The following SFI1 variants were observed in gnomAD, a reference collection of about 807,000 sequenced individuals.
The protein encoded by SFI1 is SFI1 centrin binding protein.
Under a neutral mutation model 207.5 loss-of-function variants are expected in SFI1, and 195 were observed. That is an observed-to-expected ratio of 0.94 (90% CI 0.84 to 1.06). The LOEUF (loss-of-function observed/expected upper bound fraction) is 1.06. Ranked by LOEUF, SFI1 falls within the 50% of genes least tolerant of loss-of-function variation. The pLI is 0.00. For synonymous variants in SFI1, 630 were observed against 598.9 expected (o/e 1.05, Z -0.76); for missense variants, 1,634 against 1,588.0 (o/e 1.03, Z -0.49).
chr22:31,593,575 C>T (rs188097217), intron 15 of SFI1, among the ~76,000 whole-genome samples: 9,153 of 114,160 alleles, frequency 0.08, 414 homozygotes, highest in Admixed American at 0.14. Context: ...AGAGACACTC[C>T]TCACTTCCCA....
chr22:31,596,007 C>G (rs1427932076), intron 15 of SFI1, among the ~76,000 whole-genome samples: 1 of 152,122 alleles, frequency 6.6e-6, no homozygotes, highest in Non-Finnish European at 1.5e-5. Flanking sequence ...AATCCCAGCA[C>G]TTTGGGAGGC....
intron 7 of SFI1, 89 bp from the exon 8 acceptor site, chr22:31,561,201 T>C (rs1332401038): frequency 9.6e-7 from 1 of 1,045,674 alleles, no homozygotes; most frequent in Non-Finnish European, 1.4e-6. Context: ...GGACTAGAGC[T>C]GAGGGTCTGA....
chr22:31,606,561 C>T, intron 21 of SFI1, 131 bp downstream of exon 21: 1 of 641,948 alleles, frequency 1.6e-6, no homozygotes. Flanking sequence ...AACTTTCCTC[C>T]AGCACACACA....
At chr22:31,560,702 CT>C (rs760344163) in intron 7 of SFI1, among the ~76,000 whole-genome samples, 249 of 124,980 alleles carry the variant, frequency 2.0e-3, no homozygotes, top group African/African-American at 2.0e-3. Flanking sequence ...CACGCCTGGC[CT>C]TTTTTTTTTT....
At chr22:31,605,419 AGCTTCTGCCACTCTT>A (rs2068800458) in intron 20 of SFI1, 1 of 153,388 alleles carries the variant, frequency 6.5e-6, no homozygotes, top group Admixed American at 6.5e-5. Flanking sequence ...GTGCTTCTGC[AGCTTCTGCCACTCTT>A]TCTAAGCCCA....
At chr22:31,505,846 A>T (rs919454753) in intron 1 of SFI1, among the ~76,000 whole-genome samples, 2 of 151,380 alleles carry the variant, frequency 1.3e-5, no homozygotes, top group Non-Finnish European at 2.9e-5. Context: ...ATGGTGCCGC[A>T]GTACTTCAGC....
chr22:31,509,686 A>G (rs1255614788), intron 2 of SFI1, among the ~76,000 whole-genome samples: 2 of 152,168 alleles, frequency 1.3e-5, no homozygotes, highest in Non-Finnish European at 2.9e-5. Flanking sequence ...CTTCAATTCA[A>G]TCAAGTTGAC....
intron 1 of SFI1, among the ~76,000 whole-genome samples, chr22:31,503,809 G>C (rs1203175163): frequency 2.7e-5 from 4 of 150,094 alleles, no homozygotes; most frequent in African/African-American, 9.8e-5. Context: ...GGCTGGTGGC[G>C]ACCTCCTGAC....
At chr22:31,522,843 A>T (rs981675820) in intron 2 of SFI1, among the ~76,000 whole-genome samples, 3 of 152,020 alleles carry the variant, frequency 2.0e-5, no homozygotes, top group African/African-American at 7.3e-5. Flanking sequence ...TTTAGTAGAG[A>T]CGGGGTTTCA....
intron 1 of SFI1, among the ~76,000 whole-genome samples, chr22:31,502,815 T>G (rs1253595737): frequency 6.6e-6 from 1 of 152,010 alleles, no homozygotes; most frequent in Non-Finnish European, 1.5e-5. Context: ...TATACTTAAG[T>G]GTAACTGAGA....
At chr22:31,614,509 CCT>C (rs1389964014) in intron 27 of SFI1, 1 of 635,516 alleles carries the variant, frequency 1.6e-6, no homozygotes, top group African/African-American at 1.8e-5. Context: ...AGGCTGCTCC[CCT>C]GTGACATGGA....
intron 4 of SFI1, among the ~76,000 whole-genome samples, chr22:31,545,569 A>ATTTT (rs1555983870): frequency 2.5e-3 from 229 of 92,624 alleles, no homozygotes; most frequent in East Asian, 0.017. Context: ...AATTTAATTT[A>ATTTT]ATTTAATTTA....
At chr22:31,563,774 G>A (rs1440700959) in intron 8 of SFI1, among the ~76,000 whole-genome samples, 2 of 151,678 alleles carry the variant, frequency 1.3e-5, no homozygotes, top group South Asian at 2.1e-4. Context: ...TGATAGAGAC[G>A]GGGTTTTGCC....
intron 4 of SFI1, among the ~76,000 whole-genome samples, chr22:31,541,441 C>T (rs1347875394): frequency 6.6e-6 from 1 of 152,038 alleles, no homozygotes; most frequent in Non-Finnish European, 1.5e-5. Context: ...CATGTGCAAA[C>T]GGTTCCTTTT....
chr22:31,611,058 A>G, intron 22 of SFI1, 85 bp from the exon 23 acceptor site: 7 of 1,570,656 alleles, frequency 4.5e-6, no homozygotes, highest in South Asian at 4.5e-5. Flanking sequence ...CTGCACAGCC[A>G]TCTCTGCTGT....
rs1158500764 is a variant in SFI1 at position 31,561,335 on chromosome 22, G to C, written c.708G>C (p.Val236=). 6.2e-7 allele frequency: 1 copy of C among 1,614,136 alleles called. No homozygotes were observed. The highest frequency in any genetic ancestry group is 1.7e-5 in the Admixed American group (1 of 60,012). The part of the protein sequence containing the change: ...TWRQRLGQVR[V]SRALHASALK... ...GGCAGCGACTAGGACAGGTCCGTGT[G>C]AGCCGTGCCCTCCATGCCTCTGCTT... The change falls in exon 8 of 33, where the codon GTG becomes GTC. Residue 236 remains valine (V), a synonymous_variant. Transcript: ENST00000400288.
chr22:31,504,383 G>T (rs2054298788), intron 1 of SFI1, among the ~76,000 whole-genome samples: 1 of 152,214 alleles, frequency 6.6e-6, no homozygotes, highest in East Asian at 1.9e-4. Flanking sequence ...CGTTTTGTAT[G>T]GATAAACTGG....
At chr22:31,544,347 G>T (rs1426322773) in intron 4 of SFI1, among the ~76,000 whole-genome samples, 1 of 151,838 alleles carries the variant, frequency 6.6e-6, no homozygotes, top group African/African-American at 2.4e-5. Flanking sequence ...TAAGTACTAG[G>T]AATATTATTA....
chr22:31,570,079 T>C (rs1192540836), intron 8 of SFI1, among the ~76,000 whole-genome samples: 3 of 151,992 alleles, frequency 2.0e-5, no homozygotes, highest in African/African-American at 7.2e-5. Context: ...TTCTTGCCAT[T>C]GCACTTCAGT....
Sources: allele counts gnomAD v4.1 joint callset (sites outside exome capture counted in the v4.1 genomes callset), GRCh38; gene constraint gnomAD v4.1.1; transcripts MANE v1.5; gene names NCBI Gene and HGNC (gene_info 2026-07-23, HGNC 2026-07-21).